Variants in IPO9 observed in about 807,000 individuals in gnomAD.
The protein encoded by IPO9 is importin 9.
In IPO9, 28 loss-of-function variants were observed where a neutral mutation model predicts 128.6. The ratio of observed to expected loss-of-function variants is 0.22; its 90% CI spans 0.16 to 0.30. The LOEUF is 0.30. Among genes scored for constraint, IPO9 ranks in the 10% least tolerant of loss-of-function variants. IPO9 has a pLI of 1.00. For synonymous variants in IPO9, 455 were observed against 475.8 expected, an observed-to-expected ratio of 0.96 and a Z score of 0.57; for missense variants, 935 against 1,293.9, an observed-to-expected ratio of 0.72 and a Z score of 4.26.
Position 201,879,677 on chromosome 1 carries a change from A to G in IPO9, c.*3623A>G, listed in dbSNP as rs1680847633. On this transcript the variant is annotated 3_prime_UTR_variant, in exon 24 of 24. Transcript: ENST00000361565. Reference sequence around the variant, plus strand: ...GTAACATTTCAATAAATGCAGATTGATAATAACATCTGTGCAGAGTTGAGG... The same window carrying G: ...GTAACATTTCAATAAATGCAGATTGGTAATAACATCTGTGCAGAGTTGAGG... The G allele has an allele frequency of 6.6e-6, 1 of 152,238 alleles. No individual in the cohort carries two copies. Among genetic ancestry groups the G allele is most frequent in the Admixed American group, 6.5e-5 (1 of 15,292 alleles). 9.4% of individuals were successfully genotyped at this position (152,238 alleles called of 1,614,324 possible).
At chr1:201,836,932 A>G (rs942620120) in intron 1 of IPO9, among the ~76,000 whole-genome samples, 1 of 152,208 alleles carries the variant, frequency 6.6e-6, no homozygotes, top group Non-Finnish European at 1.5e-5. Context: ...TGATGATGTT[A>G]TTTGAAGATT....
chr1:201,871,898 C>T (rs981995370), intron 19 of IPO9, among the ~76,000 whole-genome samples: 1 of 152,196 alleles, frequency 6.6e-6, no homozygotes, highest in Non-Finnish European at 1.5e-5. Context: ...CTACCACAGA[C>T]TTCACACAGC....
At chr1:201,844,477 G>A (rs1011560353) in intron 1 of IPO9, among the ~76,000 whole-genome samples, 19 of 152,186 alleles carry the variant, frequency 1.2e-4, no homozygotes, top group African/African-American at 4.3e-4. Flanking sequence ...CAGATACAAT[G>A]TGGGATCCTG....
At chr1:201,829,451 G>T in intron 1 of IPO9, 79 bp downstream of exon 1, 1 of 1,385,300 alleles carries the variant, frequency 7.2e-7, no homozygotes, top group South Asian at 1.6e-5. Flanking sequence ...CTGGGGACAT[G>T]GGGAGCCTGA....
intron 9 of IPO9, 32 bp downstream of exon 9, chr1:201,855,214 C>T: frequency 7.1e-7 from 1 of 1,406,704 alleles, no homozygotes; most frequent in South Asian, 1.2e-5. Flanking sequence ...TATAGAAATA[C>T]CAGTTAGTGG....
At chr1:201,831,034 G>C (rs1051091279) in intron 1 of IPO9, among the ~76,000 whole-genome samples, 27 of 151,834 alleles carry the variant, frequency 1.8e-4, no homozygotes, top group Admixed American at 1.6e-3. Context: ...ACTGGGTCTC[G>C]CTCTATCGTG....
intron 14 of IPO9, 53 bp downstream of exon 14, chr1:201,863,660 A>G (rs1046384097): frequency 1.4e-6 from 2 of 1,460,674 alleles, no homozygotes; most frequent in South Asian, 2.8e-5. Context: ...CAGGTTAGAT[A>G]TAACAAATCA....
intron 1 of IPO9, among the ~76,000 whole-genome samples, chr1:201,836,567 T>G (rs1292015133): frequency 6.6e-6 from 1 of 152,174 alleles, no homozygotes; most frequent in African/African-American, 2.4e-5. Context: ...GCATCGGTTT[T>G]ATAGCACGGA....
chr1:201,831,009 CT>C (rs539441507), intron 1 of IPO9, among the ~76,000 whole-genome samples: 1 of 152,056 alleles, frequency 6.6e-6, no homozygotes, highest in Non-Finnish European at 1.5e-5. Flanking sequence ...CTTTATTCAT[CT>C]TTTTTTTCTT....
intron 6 of IPO9, among the ~76,000 whole-genome samples, chr1:201,854,188 C>T (rs371139684): frequency 6.6e-6 from 1 of 152,200 alleles, no homozygotes; most frequent in Non-Finnish European, 1.5e-5. Context: ...GAATTTTCAA[C>T]TTGTAAAAAG....
In IPO9 at chr1:201,876,117, C is replaced by G. The variant is rs1208373811; in HGVS notation, c.*63C>G. 8.9e-7 allele frequency: 1 copy of G among 1,121,588 alleles called. No individual in the cohort carries two copies. Among genetic ancestry groups the G allele is most frequent in the Admixed American group, 1.7e-5 (1 of 59,412 alleles). 69.5% of individuals were successfully genotyped at this position (1,121,588 alleles called of 1,614,324 possible). On this transcript the variant is annotated 3_prime_UTR_variant, in exon 24 of 24. Coordinates refer to ENST00000361565, the MANE Select transcript of IPO9 (RefSeq NM_018085.5). Reference sequence around the variant, plus strand: ...GCCGCAAACCATTTTGCAGCCCTCACTGGCCTTGAGATGCACTTTCTTCTC... The same window carrying G: ...GCCGCAAACCATTTTGCAGCCCTCAGTGGCCTTGAGATGCACTTTCTTCTC...
chr1:201,875,289 T>G (rs1680739371), intron 23 of IPO9, 61 bp downstream of exon 23: 7 of 1,419,734 alleles, frequency 4.9e-6, no homozygotes, highest in Middle Eastern at 3.5e-4. Flanking sequence ...AACAGGAATA[T>G]GGGCTCAAAT....
chr1:201,836,572 C>G (rs1679926798), intron 1 of IPO9, among the ~76,000 whole-genome samples: 1 of 152,060 alleles, frequency 6.6e-6, no homozygotes, highest in Admixed American at 6.6e-5. Context: ...GGTTTTATAG[C>G]ACGGAGTTTA....
At chr1:201,832,461 G>A (rs542429817) in intron 1 of IPO9, among the ~76,000 whole-genome samples, 9 of 152,264 alleles carry the variant, frequency 5.9e-5, no homozygotes, top group African/African-American at 2.2e-4. Context: ...GTTTAGCCAT[G>A]TTGCCCAGGC....
intron 12 of IPO9, 25 bp from the exon 13 acceptor site, chr1:201,858,830 A>G (rs754655111): frequency 1.3e-6 from 2 of 1,578,380 alleles, no homozygotes; most frequent in Admixed American, 1.7e-5. Context: ...AGTATGTTTT[A>G]CTAGGCTGTA....
intron 1 of IPO9, among the ~76,000 whole-genome samples, chr1:201,833,410 T>C (rs868115670): frequency 1.3e-5 from 2 of 152,030 alleles, no homozygotes; most frequent in Admixed American, 6.5e-5. Flanking sequence ...GGCTAATTTT[T>C]GTATTTTTAG....
Position 201,870,711 on chromosome 1 carries a change from C to A in IPO9, c.2262C>A (p.Arg754=). The change falls in exon 18 of 24, where the codon CGC becomes CGA. Residue 754 remains arginine, a synonymous_variant. Coordinates refer to ENST00000361565, the MANE Select transcript of IPO9 (RefSeq NM_018085.5). This position sits in a 1 kb window ranked among gnomAD's most constrained non-coding sequence, Gnocchi z 4.9. ...TGGTGAGCCAGCTCCTGGACCCCCG[C>A]ACCTCAGAGTTCACTGCGGCCTTTG... ...MQVVSQLLDP[R]TSEFTAAFVG... is the part of the protein sequence containing the mutation. 1 of 1,614,244 alleles carries A rather than the reference C, an allele frequency of 6.2e-7. No individual in the cohort carries two copies. Among genetic ancestry groups the A allele is most frequent in the South Asian group, 1.1e-5 (1 of 91,090 alleles).
rs967124191 is a variant in IPO9, at chr1:201,847,695, A to G, written c.312+57A>G. On this transcript the variant is annotated intron_variant, in intron 3 of 23. Transcript: ENST00000361565. ...GAGATTTGAGGGTCCATTTTAAGAGATTAGACTATAACATTCTTTGACAGC... is the reference window on the plus strand; with the variant it reads ...GAGATTTGAGGGTCCATTTTAAGAGGTTAGACTATAACATTCTTTGACAGC... 13 of 1,175,454 alleles carry G rather than the reference A, an allele frequency of 1.1e-5. 1 individual carries two copies. The South Asian group carries it at 1.3e-4, about 12-fold the overall frequency. 72.8% of individuals were successfully genotyped at this position (1,175,454 alleles called of 1,614,324 possible).
Position 201,878,309 on chromosome 1 carries a change from A to G in IPO9, c.*2255A>G, listed in dbSNP as rs534477075. On this transcript the variant is annotated 3_prime_UTR_variant, in exon 24 of 24. Transcript: ENST00000361565. ...GCCAGTCGGATTTGGTGCTAAAGGC[A>G]TAAGGCCAAGTCAGCCTCTGATATT... 7.2e-5 allele frequency: 11 copies of G among 152,790 alleles called. No homozygotes were observed. Among genetic ancestry groups the G allele is most frequent in the East Asian group, 1.9e-4 (1 of 5,188 alleles). The allele number at this position is 152,790 out of a possible 1,614,324, so 9.5% of individuals were successfully genotyped here. A position where few individuals can be genotyped will look rare whatever the true frequency, so the allele number is the denominator to read the frequency against.
Sources: gnomAD v4.1 joint callset for allele counts (sites outside exome capture counted in the v4.1 genomes callset) on GRCh38, gnomAD v4.1.1 for gene constraint, Gnocchi (gnomAD v3.1) non-coding constraint, MANE v1.5 for transcripts, NCBI Gene and HGNC (gene_info 2026-07-23, HGNC 2026-07-21) for gene names.